Variants in KCNQ1 observed in about 807,000 individuals in gnomAD.
The protein encoded by KCNQ1 is potassium voltage-gated channel subfamily KQT member 1.
A neutral mutation model predicts 72.4 loss-of-function variants in KCNQ1; 49 were observed. The ratio of observed to expected loss-of-function variants is 0.68; its 90% CI spans 0.54 to 0.86. The LOEUF (loss-of-function observed/expected upper bound fraction) is 0.86, where lower values mean the gene tolerates loss of function less well. Among genes scored for constraint, KCNQ1 ranks in the 40% least tolerant of loss-of-function variants. KCNQ1 has a pLI of 0.00. For synonymous variants in KCNQ1, 450 were observed against 412.6 expected, an observed-to-expected ratio of 1.09 and a Z score of -1.10; for missense variants, 790 against 945.1, an observed-to-expected ratio of 0.84 and a Z score of 2.15.
chr11:2,734,825 C>T lies in KCNQ1; in HGVS notation c.1515-34019C>T, dbSNP rs1321431100. 6.6e-6 allele frequency among the ~76,000 whole-genome samples: 1 copy of T among 152,060 alleles called. No individual in the cohort carries two copies. The highest frequency in any genetic ancestry group is 1.5e-5 in the Non-Finnish European group (1 of 67,992). ...CCTCCTCCAGCCTCAGTTTCCCCCA[C>T]TGTGAAATAGGGATGACCTCCTGTG... On this transcript the variant is annotated intron_variant, in intron 11 of 15. Transcript: ENST00000155840. This position sits in a 1 kb window ranked among gnomAD's most constrained non-coding sequence, Gnocchi z 7.0.
In KCNQ1 at chr11:2,468,338, G is replaced by A. The variant is rs949176504; in HGVS notation, c.386+22854G>A. Among the ~76,000 whole-genome samples the A allele has an allele frequency of 6.6e-6, 1 of 152,092 alleles. No individual in the cohort carries two copies. Among genetic ancestry groups the A allele is most frequent in the African/African-American group, 2.4e-5 (1 of 41,396 alleles). On this transcript the variant is annotated intron_variant, in intron 1 of 15. Transcript: ENST00000155840. The surrounding 1 kb of genome is among the most constrained non-coding windows in gnomAD (Gnocchi z 5.7). Reference sequence around the variant, plus strand: ...ATTTTTGTATTTTTTGTAGAGATGGGGTCTTGCTATATTGCCCAGTCTAGT... The same window carrying A: ...ATTTTTGTATTTTTTGTAGAGATGGAGTCTTGCTATATTGCCCAGTCTAGT...
intron 6 of KCNQ1, among the ~76,000 whole-genome samples, 155 bp downstream of exon 6, chr11:2,573,141 C>T (rs186030186): frequency 3.0e-4 from 46 of 152,312 alleles, no homozygotes; most frequent in Admixed American, 6.5e-4. Context: ...TGCTTGGAGC[C>T]GCTGGCACAG....
At chr11:2,520,169 C>T (rs552161070) in intron 1 of KCNQ1, among the ~76,000 whole-genome samples, 3 of 152,220 alleles carry the variant, frequency 2.0e-5, no homozygotes, top group Non-Finnish European at 1.5e-5. Context: ...GTGTCTGAGC[C>T]TCAGTGTCCC....
At chr11:2,736,815 T>C (rs990631479) in intron 11 of KCNQ1, among the ~76,000 whole-genome samples, 17 of 152,166 alleles carry the variant, frequency 1.1e-4, no homozygotes, top group African/African-American at 4.1e-4. Flanking sequence ...CTGGGCCTGG[T>C]GGGGCCTAAG....
Position 2,445,941 on chromosome 11 carries a change from C to G in KCNQ1, c.386+457C>G, listed in dbSNP as rs1846030765. ...AGACCCCCTGAGGCCCAGGTGGACT[C>G]TGGGGCAGGGGGCTGTCCAGGATAG... On this transcript the variant is annotated intron_variant, in intron 1 of 15. Transcript: ENST00000155840. Among the ~76,000 whole-genome samples, 5 of 152,286 alleles carry G rather than the reference C, an allele frequency of 3.3e-5. No individual in the cohort carries two copies. In the South Asian group the frequency reaches 1.0e-3, roughly 32 times the overall value.
In KCNQ1 at chr11:2,647,436, G is replaced by A. The variant is rs116778394; in HGVS notation, c.1394-14525G>A. 4.4e-3 allele frequency: 1,771 copies of A among 398,466 alleles called. 16 individuals are homozygous for A. The highest frequency in any genetic ancestry group is 0.026 in the African/African-American group (1,253 of 48,712). The allele number at this position is 398,466 out of a possible 1,614,324, so 24.7% of individuals were successfully genotyped here. On this transcript the variant is annotated intron_variant, in intron 10 of 15. Transcript: ENST00000155840. This position sits in a 1 kb window ranked among gnomAD's most constrained non-coding sequence, Gnocchi z 4.0. Reference sequence around the variant, plus strand: ...AGGATTCTGCATCTATGTTCATCAGGGAGATTGGCCTGTAGTTTTCTTTTT... The same window carrying A: ...AGGATTCTGCATCTATGTTCATCAGAGAGATTGGCCTGTAGTTTTCTTTTT...
chr11:2,645,008 C>T lies in KCNQ1; in HGVS notation c.1394-16953C>T. On this transcript the variant is annotated intron_variant, in intron 10 of 15. Transcript: ENST00000155840. This position sits in a 1 kb window ranked among gnomAD's most constrained non-coding sequence, Gnocchi z 5.8. The stretch of plus-strand genomic sequence containing the variant: ...ATGCTGGTACCAGTGTTAGCAAGTC[C>T]AGGGAAACCAATTTTGGGCCTCCAG... The T allele has an allele frequency of 2.5e-6, 1 of 398,710 alleles. No individual in the cohort carries two copies. Among genetic ancestry groups the T allele is most frequent in the East Asian group, 3.6e-5 (1 of 28,084 alleles). The allele number at this position is 398,710 out of a possible 1,614,324, so 24.7% of individuals were successfully genotyped here.
intron 11 of KCNQ1, among the ~76,000 whole-genome samples, chr11:2,749,681 C>T (rs1204048716): frequency 2.8e-5 from 4 of 144,468 alleles, no homozygotes; most frequent in Admixed American, 2.1e-4. Context: ...GGCGCGGTGG[C>T]GGGCGCCTGT....
Position 2,572,978 on chromosome 11 carries a change from TGG to T in KCNQ1, c.918_919del (p.Val307GlyfsTer155). The T allele has an allele frequency of 6.2e-7, 1 of 1,612,840 alleles. No homozygotes were observed. The highest frequency in any genetic ancestry group is 8.5e-7 in the Non-Finnish European group (1 of 1,179,528). On this transcript the variant is annotated frameshift_variant, in exon 6 of 16. Coordinates refer to ENST00000155840, the MANE Select transcript of KCNQ1 (RefSeq NM_000218.3). LOFTEE classifies it high-confidence loss of function. The stretch of plus-strand genomic sequence containing the variant: ...CGGCAGCTACGCAGATGCGCTGTGG[TGG>T]GGGGTGGTAAGTCGGAAACTTCCAG... ...EFGSYADALWWGVVTVTTIGY... is the reference protein window; with the variant it reads ...EFGSYADALWXGVVTVTTIGY...
At position 2,720,493 on chromosome 11, in the gene KCNQ1, C is replaced by A. The variant is rs1564870855; in HGVS notation, c.1515-48351C>A. Among the ~76,000 whole-genome samples, 1 of 152,136 alleles carries A rather than the reference C, an allele frequency of 6.6e-6. No homozygotes were observed. Among genetic ancestry groups the A allele is most frequent in the Non-Finnish European group, 1.5e-5 (1 of 68,016 alleles). On this transcript the variant is annotated intron_variant, in intron 11 of 15. Transcript: ENST00000155840. This position sits in a 1 kb window ranked among gnomAD's most constrained non-coding sequence, Gnocchi z 5.1. ...GGCAGCCCCCTCGAAGCTCACCTGG[C>A]CTCTCTCTGTAAGGGGAGAGGGACC...
rs1211547837 is a variant in KCNQ1, at chr11:2,808,597, G to GTGAT, written c.1794+30573_1794+30576dup. Among the ~76,000 whole-genome samples, 4 of 152,128 alleles carry GTGAT rather than the reference G, an allele frequency of 2.6e-5. No individual in the cohort carries two copies. Among genetic ancestry groups the GTGAT allele is most frequent in the African/African-American group, 4.8e-5 (2 of 41,404 alleles). On this transcript the variant is annotated intron_variant, in intron 15 of 15. Transcript: ENST00000155840. This position sits in a 1 kb window ranked among gnomAD's most constrained non-coding sequence, Gnocchi z 6.0. ...GTCCTCAGGTAGGTTGGTTGATTGAGTGATTGATTGATTGATAATCTTGGT... is the reference window on the plus strand; with the variant it reads ...GTCCTCAGGTAGGTTGGTTGATTGAGTGATTGATTGATTGATTGATAATCTTGGT...
intron 11 of KCNQ1, among the ~76,000 whole-genome samples, chr11:2,749,555 A>G (rs960508225): frequency 2.1e-4 from 32 of 151,484 alleles, no homozygotes; most frequent in Admixed American, 4.0e-4. Context: ...CACGCCTGTA[A>G]TCTCAGCACT....
Position 2,647,154 on chromosome 11 carries a change from T to C in KCNQ1, c.1394-14807T>C. 2.5e-6 allele frequency: 1 copy of C among 398,358 alleles called. No homozygotes were observed. The highest frequency in any genetic ancestry group is 4.4e-6 in the Non-Finnish European group (1 of 226,034). 24.7% of individuals were successfully genotyped at this position (398,358 alleles called of 1,614,324 possible). On this transcript the variant is annotated intron_variant, in intron 10 of 15. Transcript: ENST00000155840. The surrounding 1 kb of genome is among the most constrained non-coding windows in gnomAD (Gnocchi z 4.0). Reference sequence around the variant, plus strand: ...ATTGAGTTATGTTCCTTCTAGACATTATGTGATGAGCTTTTTTTTTTATCA... The same window carrying C: ...ATTGAGTTATGTTCCTTCTAGACATCATGTGATGAGCTTTTTTTTTTATCA...
rs1848380208 is a variant in KCNQ1, at chr11:2,848,210, G to A, written c.*207G>A. The A allele has an allele frequency of 1.5e-6, 1 of 673,348 alleles. No homozygotes were observed. Among genetic ancestry groups the A allele is most frequent in the African/African-American group, 1.8e-5 (1 of 56,392 alleles). The allele number at this position is 673,348 out of a possible 1,614,324, so 41.7% of individuals were successfully genotyped here. A position where few individuals can be genotyped will look rare whatever the true frequency, so the allele number is the denominator to read the frequency against. On this transcript the variant is annotated 3_prime_UTR_variant, in exon 16 of 16. Transcript: ENST00000155840. ...GCCACCTCTTCCTGGCCGGTGTGGG[G>A]GCCCCGTCTCAGGTCTGAGTTGTTA...
At chr11:2,701,651 C>T (rs531296042) in intron 11 of KCNQ1, among the ~76,000 whole-genome samples, 26 of 152,368 alleles carry the variant, frequency 1.7e-4, no homozygotes, top group African/African-American at 5.5e-4. Context: ...CTTGGAACTT[C>T]AGCTCCCAAG....
chr11:2,817,304 A>C lies in KCNQ1; in HGVS notation c.1795-30463A>C, dbSNP rs111576293. Among the ~76,000 whole-genome samples, 281 of 152,262 alleles carry C rather than the reference A, an allele frequency of 1.8e-3. 2 individuals are homozygous for C. The highest frequency in any genetic ancestry group is 6.5e-3 in the African/African-American group (272 of 41,562). ...TTTTTAACTACGTTGGACAGAACCC[A>C]CGGCGGCCCTTTCCGTGGCTTCAGC... On this transcript the variant is annotated intron_variant, in intron 15 of 15. Coordinates refer to ENST00000155840, the MANE Select transcript of KCNQ1 (RefSeq NM_000218.3). The surrounding 1 kb of genome is among the most constrained non-coding windows in gnomAD (Gnocchi z 6.1).
Position 2,494,702 on chromosome 11 carries a change from C to G in KCNQ1, c.387-33226C>G, listed in dbSNP as rs1405899701. Reference sequence around the variant, plus strand: ...CCAGGGATGAAGCCCACTTGATCACCATGGATAAGCTTTTTGATGTGCTGC... The same window carrying G: ...CCAGGGATGAAGCCCACTTGATCACGATGGATAAGCTTTTTGATGTGCTGC... On this transcript the variant is annotated intron_variant, in intron 1 of 15. Coordinates refer to ENST00000155840, the MANE Select transcript of KCNQ1 (RefSeq NM_000218.3). The surrounding 1 kb of genome is among the most constrained non-coding windows in gnomAD (Gnocchi z 4.6). 1.3e-5 allele frequency among the ~76,000 whole-genome samples: 2 copies of G among 152,136 alleles called. No individual in the cohort carries two copies. The highest frequency in any genetic ancestry group is 4.8e-5 in the African/African-American group (2 of 41,428).
intron 15 of KCNQ1, among the ~76,000 whole-genome samples, chr11:2,801,739 A>T (rs1847270487): frequency 6.6e-6 from 1 of 152,184 alleles, no homozygotes; most frequent in South Asian, 2.1e-4. Context: ...GCCTGGGGAG[A>T]TGCCCCCACT....
At chr11:2,607,330 T>G (rs1238476398) in intron 10 of KCNQ1, among the ~76,000 whole-genome samples, 1 of 152,226 alleles carries the variant, frequency 6.6e-6, no homozygotes, top group Non-Finnish European at 1.5e-5. Context: ...TGCTTTTCTG[T>G]GTCTTTTATT....
Sources: gnomAD v4.1 joint callset for allele counts (sites outside exome capture counted in the v4.1 genomes callset) on GRCh38, gnomAD v4.1.1 for gene constraint, Gnocchi (gnomAD v3.1) non-coding constraint, MANE v1.5 for transcripts, NCBI Gene and HGNC (gene_info 2026-07-23, HGNC 2026-07-21) for gene names.